SRP68: variants seen among roughly 807,000 people sequenced by gnomAD.
SRP68 encodes signal recognition particle 68, also known as signal recognition particle subunit SRP68.
Under a neutral mutation model 82.2 loss-of-function variants are expected in SRP68, and 15 were observed. That is an observed-to-expected ratio of 0.18 (90% CI 0.12 to 0.28). SRP68 has a LOEUF of 0.28. Ranked by LOEUF, SRP68 falls within the 10% of genes least tolerant of loss-of-function variation. The pLI, the probability that SRP68 is intolerant of heterozygous loss-of-function variation, is 1.00. For missense variants in SRP68, 595 were observed against 780.5 expected (o/e 0.76, Z 2.83); for synonymous variants, 261 against 292.6 (o/e 0.89, Z 1.10).
chr17:76,039,439 G>A lies in SRP68; in HGVS notation c.*267C>T. 2 of 627,524 alleles carry A rather than the reference G, an allele frequency of 3.2e-6. No individual in the cohort carries two copies. Among genetic ancestry groups the A allele is most frequent in the Non-Finnish European group, 5.9e-6 (2 of 337,600 alleles). 38.9% of individuals were successfully genotyped at this position (627,524 alleles called of 1,614,324 possible). A position where few individuals can be genotyped will look rare whatever the true frequency, so the allele number is the denominator to read the frequency against. On this transcript the variant is annotated 3_prime_UTR_variant, in exon 16 of 16. Transcript: ENST00000307877. Reference sequence around the variant, plus strand: ...CAAAGGCAATCAATCACAGCTCACAGGGCACCAGACAGCAGCGGCCCCTTT... The same window carrying A: ...CAAAGGCAATCAATCACAGCTCACAAGGCACCAGACAGCAGCGGCCCCTTT...
chr17:76,068,823 C>G (rs1012067856), intron 2 of SRP68, among the ~76,000 whole-genome samples: 1 of 151,966 alleles, frequency 6.6e-6, no homozygotes, highest in Non-Finnish European at 1.5e-5. Context: ...AGGCTGGGCT[C>G]GAACTCCGGG....
chr17:76,064,222 G>C (rs762013761), intron 3 of SRP68, 51 bp from the exon 4 acceptor site: 2 of 1,525,706 alleles, frequency 1.3e-6, no homozygotes, highest in Admixed American at 1.8e-5. Context: ...AACAGACCCA[G>C]ATATTCTCTG....
At chr17:76,064,751 G>C (rs981975134) in intron 3 of SRP68, among the ~76,000 whole-genome samples, 2 of 148,248 alleles carry the variant, frequency 1.3e-5, no homozygotes, top group Non-Finnish European at 3.0e-5. Flanking sequence ...TGAGGCAGGA[G>C]TATCTCTTGA....
intron 9 of SRP68, chr17:76,049,143 C>T (rs2598434): frequency 1.1e-4 from 16 of 151,986 alleles, no homozygotes; most frequent in African/African-American, 3.6e-4. Flanking sequence ...GATGGTTGTA[C>T]GTTATGAATG....
At position 76,070,411 on chromosome 17, in the gene SRP68, T is replaced by C. The variant is rs913735678; in HGVS notation, c.218A>G (p.His73Arg). 1.3e-5 allele frequency: 21 copies of C among 1,614,014 alleles called. No homozygotes were observed. Among genetic ancestry groups the C allele is most frequent in the Non-Finnish European group, 1.8e-5 (21 of 1,179,920 alleles). The change falls in exon 2 of 16, where the codon CAT (histidine) becomes CGT (arginine). Residue 73 changes from histidine to arginine, a missense_variant. This residue lies in a region of SRP68 where 495 missense variants were observed against 688.6 expected (regional missense o/e 0.72). Coordinates refer to ENST00000307877, the MANE Select transcript of SRP68 (RefSeq NM_014230.4). Reference sequence around the variant, plus strand: ...CTGAAAATCTCCATGCCGTAAACCATGCTGCTGCTGGGATTCCTTAATAAT... The same window carrying C: ...CTGAAAATCTCCATGCCGTAAACCACGCTGCTGCTGGGATTCCTTAATAAT... ...LQIIKESQQQHGLRHGDFQRY... is the reference protein window; with the variant it reads ...LQIIKESQQQRGLRHGDFQRY...
intron 3 of SRP68, among the ~76,000 whole-genome samples, chr17:76,064,489 G>A (rs531126274): frequency 6.6e-6 from 1 of 152,154 alleles, no homozygotes; most frequent in South Asian, 2.1e-4. Flanking sequence ...CACACGATCT[G>A]GCCTCATTTT....
intron 14 of SRP68, chr17:76,040,685 G>C: frequency 1.5e-6 from 1 of 658,386 alleles, no homozygotes; most frequent in Non-Finnish European, 2.7e-6. Context: ...CAGCACAGTT[G>C]CATGAGGACA....
rs193095455 is a variant in SRP68, at chr17:76,039,536, G to A, written c.*170C>T. ...AGACAACAGGGTGCTCTCCTGACAC[G>A]CTGCTTAAGAACGTGTACAGACACA... is the stretch of plus-strand genomic sequence containing the variant. On this transcript the variant is annotated 3_prime_UTR_variant, in exon 16 of 16. Coordinates refer to ENST00000307877, the MANE Select transcript of SRP68 (RefSeq NM_014230.4). 497 of 691,376 alleles carry A rather than the reference G, an allele frequency of 7.2e-4. 5 individuals carry two copies. In the East Asian group the frequency reaches 9.4e-3, roughly 13 times the overall value. 42.8% of individuals were successfully genotyped at this position (691,376 alleles called of 1,614,324 possible).
At chr17:76,043,744 C>A (rs1446330321) in intron 13 of SRP68, 85 bp downstream of exon 13, 1 of 1,432,420 alleles carries the variant, frequency 7.0e-7, no homozygotes, top group Non-Finnish European at 9.2e-7. Flanking sequence ...TGAGGTGGCG[C>A]CCAGCTGTTG....
intron 12 of SRP68, 195 bp downstream of exon 12, chr17:76,045,097 C>T: frequency 1.9e-6 from 1 of 525,868 alleles, no homozygotes; most frequent in Non-Finnish European, 3.4e-6. Context: ...AAAAGGCAGA[C>T]ATCATCACTG....
intron 3 of SRP68, among the ~76,000 whole-genome samples, chr17:76,066,819 C>T (rs2066810694): frequency 6.6e-6 from 1 of 151,730 alleles, no homozygotes; most frequent in Non-Finnish European, 1.5e-5. Context: ...CCTCTGCCTC[C>T]CGGGTTCAAG....
chr17:76,048,326 C>T (rs1347826989), intron 9 of SRP68: 2 of 157,294 alleles, frequency 1.3e-5, no homozygotes, highest in African/African-American at 4.8e-5. Context: ...ACCCCTTGTG[C>T]TGTCAGAGTG....
intron 12 of SRP68, chr17:76,044,969 C>T (rs2066618644): frequency 5.1e-6 from 1 of 197,182 alleles, no homozygotes; most frequent in South Asian, 1.1e-4. Flanking sequence ...CTCGAACTCC[C>T]GACCTCAGGT....
In SRP68 at chr17:76,040,343, C is replaced by A. The variant is rs1272073986; in HGVS notation, c.1656+76G>T. ...TTCCTTAGAAATTTAGGGTCCACTG[C>A]TCTATAATGAGCATGCATTCCTAGT... On this transcript the variant is annotated intron_variant, in intron 15 of 15. Transcript: ENST00000307877. 2.8e-6 allele frequency: 4 copies of A among 1,413,682 alleles called. No homozygotes were observed. In the East Asian group the frequency reaches 9.1e-5, roughly 32 times the overall value. 87.6% of individuals were successfully genotyped at this position (1,413,682 alleles called of 1,614,324 possible). A position where few individuals can be genotyped will look rare whatever the true frequency, so the allele number is the denominator to read the frequency against.
At chr17:76,053,931 T>C (rs1216094143) in intron 8 of SRP68, among the ~76,000 whole-genome samples, 5 of 152,152 alleles carry the variant, frequency 3.3e-5, no homozygotes, top group Non-Finnish European at 5.9e-5. Flanking sequence ...ACACCGACCT[T>C]CTCCGCCAGC....
intron 10 of SRP68, 102 bp downstream of exon 10, chr17:76,047,804 G>T: frequency 2.0e-4 from 99 of 498,056 alleles, no homozygotes; most frequent in Non-Finnish European, 2.6e-4. Flanking sequence ...AAAAAACAAA[G>T]AAAAGAAATT....
chr17:76,055,856 G>C (rs2066710505), intron 8 of SRP68, among the ~76,000 whole-genome samples: 1 of 128,210 alleles, frequency 7.8e-6, no homozygotes. Context: ...TACCCAGGCT[G>C]CAGCATAGTG....
chr17:76,060,144 A>AAAG (rs2066742001), intron 7 of SRP68, among the ~76,000 whole-genome samples, 164 bp downstream of exon 7: 2 of 143,330 alleles, frequency 1.4e-5, no homozygotes, highest in African/African-American at 2.9e-5. Flanking sequence ...AAAAAAAAAA[A>AAAG]AAAAAAGAAA....
intron 6 of SRP68, chr17:76,060,887 A>G: frequency 5.7e-6 from 3 of 529,426 alleles, no homozygotes; most frequent in Non-Finnish European, 1.0e-5. Context: ...CTTCGGGGGT[A>G]CACAGCACAG....
Sources: gnomAD v4.1 joint callset for allele counts (sites outside exome capture counted in the v4.1 genomes callset) on GRCh38, gnomAD v4.1.1 for gene constraint, gnomAD v4.1.1 regional missense constraint, MANE v1.5 for transcripts, NCBI Gene and HGNC (gene_info 2026-07-23, HGNC 2026-07-21) for gene names.